The following PAH variants were observed in gnomAD, a reference collection of about 807,000 sequenced individuals.
PAH encodes the protein phenylalanine-4-hydroxylase.
A neutral mutation model predicts 62.0 loss-of-function variants in PAH; 64 were observed. The observed-to-expected ratio is 1.03, with a 90% CI of 0.84 to 1.27. The LOEUF is 1.27. Ranked by LOEUF, PAH falls within the 50% of genes most tolerant of loss-of-function variation. The pLI, the probability that PAH is intolerant of heterozygous loss-of-function variation, is 0.00. For synonymous variants in PAH, 195 were observed against 196.2 expected (o/e 0.99, Z 0.05); for missense variants, 579 against 542.8 (o/e 1.07, Z -0.66).
At chr12:102,958,344 A>G (rs1644729184) in exon 1 of PAH, 1 of 1,453,698 alleles carries the variant, frequency 6.9e-7, no homozygotes, top group Non-Finnish European at 9.0e-7. Context: ...TTTCTTTGCC[A>G]CGGCCGCAGC....
intron 3 of PAH, among the ~76,000 whole-genome samples, chr12:102,885,338 G>T (rs1219925384): frequency 6.6e-6 from 1 of 152,138 alleles, no homozygotes; most frequent in East Asian, 1.9e-4. Flanking sequence ...AGCGACCCAG[G>T]CCTCCGTTTT....
At chr12:102,859,985 C>T (rs1040995158) in intron 5 of PAH, among the ~76,000 whole-genome samples, 15 of 152,096 alleles carry the variant, frequency 9.9e-5, no homozygotes, top group Non-Finnish European at 2.1e-4. Context: ...TCAGGGCAAT[C>T]GGGCAGCAGA....
chr12:102,877,748 A>G (rs1372045412), intron 3 of PAH, among the ~76,000 whole-genome samples, 198 bp from the exon 4 acceptor site: 2 of 152,180 alleles, frequency 1.3e-5, no homozygotes, highest in Non-Finnish European at 2.9e-5. Flanking sequence ...TCCCAAATAC[A>G]TTCTCTTTCC....
chr12:102,844,472 T>C (rs760491586), intron 9 of PAH, 41 bp from the exon 10 acceptor site: 1 of 1,307,998 alleles, frequency 7.6e-7, no homozygotes, highest in South Asian at 1.2e-5. Flanking sequence ...TCTATGATGG[T>C]TAATTTTATG....
intron 2 of PAH, among the ~76,000 whole-genome samples, chr12:102,899,493 A>G (rs2136708341): frequency 6.6e-6 from 1 of 152,312 alleles, no homozygotes; most frequent in East Asian, 1.9e-4. Flanking sequence ...TAAGCTAACT[A>G]AACTCCCATA....
chr12:102,874,482 G>T (rs1876480601), intron 4 of PAH, among the ~76,000 whole-genome samples: 1 of 152,060 alleles, frequency 6.6e-6, no homozygotes, highest in Non-Finnish European at 1.5e-5. Flanking sequence ...GATGTTACAC[G>T]GCCCTCTCCC....
At chr12:102,894,532 A>G (rs1174344389) in intron 3 of PAH, among the ~76,000 whole-genome samples, 1 of 151,968 alleles carries the variant, frequency 6.6e-6, no homozygotes, top group Non-Finnish European at 1.5e-5. Flanking sequence ...TAGGTCCCCA[A>G]CCTATGTCCA....
At chr12:102,868,109 TATATATAC>T (rs1876111801) in intron 4 of PAH, among the ~76,000 whole-genome samples, 1 of 19,344 alleles carries the variant, frequency 5.2e-5, no homozygotes, top group Non-Finnish European at 9.4e-5. Context: ...TATATACACA[TATATATAC>T]ATATATGTGT....
At chr12:102,856,057 T>TATATAA (rs1875412540) in intron 5 of PAH, among the ~76,000 whole-genome samples, 1 of 131,838 alleles carries the variant, frequency 7.6e-6, no homozygotes, top group African/African-American at 3.0e-5. Context: ...TATATACAAT[T>TATATAA]TTTATTTGTC....
At chr12:102,880,942 A>G (rs542644550) in intron 3 of PAH, among the ~76,000 whole-genome samples, 8 of 150,852 alleles carry the variant, frequency 5.3e-5, no homozygotes, top group Middle Eastern at 3.5e-3. Context: ...TAAAATTACA[A>G]TTGCATAAAA....
At chr12:102,857,869 C>A (rs1875514535) in intron 5 of PAH, among the ~76,000 whole-genome samples, 1 of 152,222 alleles carries the variant, frequency 6.6e-6, no homozygotes, top group Non-Finnish European at 1.5e-5. Context: ...ACTGCAAAAA[C>A]ATGCCAAATT....
intron 1 of PAH, among the ~76,000 whole-genome samples, chr12:102,928,397 T>C (rs903928172): frequency 6.6e-6 from 1 of 152,170 alleles, no homozygotes; most frequent in African/African-American, 2.4e-5. Context: ...ATGAGAAGTC[T>C]GAGATATTGT....
rs1303026143 is a variant in PAH, at chr12:102,917,199, C to CG, written c.-70dup. On this transcript the variant is annotated 5_prime_UTR_variant, in exon 1 of 13. Coordinates refer to ENST00000553106, the MANE Select transcript of PAH (RefSeq NM_000277.3). Reference sequence around the variant, plus strand: ...GGTACAGGCAGGTTTGCAAACAGCACGTGGGGCTGAAGGTTTTAACCTCGC... The same window carrying CG: ...GGTACAGGCAGGTTTGCAAACAGCACGGTGGGGCTGAAGGTTTTAACCTCGC... 4.3e-6 allele frequency: 6 copies of CG among 1,406,018 alleles called. No homozygotes were observed. The highest frequency in any genetic ancestry group is 6.0e-6 in the Non-Finnish European group (6 of 992,056). 87.1% of individuals were successfully genotyped at this position (1,406,018 alleles called of 1,614,324 possible).
At chr12:102,846,657 T>C (rs567094753) in intron 9 of PAH, among the ~76,000 whole-genome samples, 1 of 152,322 alleles carries the variant, frequency 6.6e-6, no homozygotes, top group African/African-American at 2.4e-5. Flanking sequence ...TGTTGGTGGG[T>C]TCAAGATACT....
intron 3 of PAH, among the ~76,000 whole-genome samples, chr12:102,887,378 C>T (rs1401974534): frequency 6.6e-6 from 1 of 151,918 alleles, no homozygotes; most frequent in Non-Finnish European, 1.5e-5. Flanking sequence ...AATGAGAGAT[C>T]ATTCACAGGG....
At chr12:102,895,864 A>AT (rs1194946087) in intron 2 of PAH, among the ~76,000 whole-genome samples, 178 of 138,778 alleles carry the variant, frequency 1.3e-3, no homozygotes, top group African/African-American at 4.0e-3. Flanking sequence ...CAAAAAAAAA[A>AT]AAAAAATATA....
At chr12:102,853,068 T>C in intron 6 of PAH, 118 bp from the exon 7 acceptor site, 1 of 1,115,826 alleles carries the variant, frequency 9.0e-7, no homozygotes, top group Non-Finnish European at 1.3e-6. Flanking sequence ...GCTTTGACGC[T>C]AGGCAGACTT....
At position 102,836,996 on chromosome 12, in the gene PAH, T is replaced by C. The variant is rs1874391505; in HGVS notation, c.*2179A>G. On this transcript the variant is annotated 3_prime_UTR_variant, in exon 13 of 13. Transcript: ENST00000553106. Reference sequence around the variant, plus strand: ...TCAGATTCCTACTTTCAGAAACTTATTAAACATCAATGCCACATGCTTAGA... The same window carrying C: ...TCAGATTCCTACTTTCAGAAACTTACTAAACATCAATGCCACATGCTTAGA... The C allele has an allele frequency of 6.6e-6, 1 of 152,218 alleles. No homozygotes were observed. The highest frequency in any genetic ancestry group is 2.4e-5 in the African/African-American group (1 of 41,466). The allele number at this position is 152,218 out of a possible 1,614,324, so 9.4% of individuals were successfully genotyped here.
At chr12:102,882,172 C>T (rs551389875) in intron 3 of PAH, among the ~76,000 whole-genome samples, 1 of 152,136 alleles carries the variant, frequency 6.6e-6, no homozygotes, top group East Asian at 1.9e-4. Context: ...CTATGAAATC[C>T]TCTGCCTCTA....
Sources: allele counts gnomAD v4.1 joint callset (sites outside exome capture counted in the v4.1 genomes callset), GRCh38; gene constraint gnomAD v4.1.1; transcripts MANE v1.5; gene names NCBI Gene and HGNC (gene_info 2026-07-23, HGNC 2026-07-21).